Variants in CNBD1 observed in about 807,000 individuals in gnomAD.
CNBD1 encodes cyclic nucleotide-binding domain-containing protein 1.
In CNBD1, 71 loss-of-function variants were observed where a neutral mutation model predicts 54.4. The ratio of observed to expected loss-of-function variants is 1.30; its 90% CI spans 1.08 to 1.59. The LOEUF is 1.59. Ranked by LOEUF, CNBD1 falls within the 40% of genes most tolerant of loss-of-function variation. The pLI, the probability that CNBD1 is intolerant of heterozygous loss-of-function variation, is 0.00. For synonymous variants in CNBD1, 182 were observed against 170.7 expected (o/e 1.07, Z -0.51); for missense variants, 659 against 518.0 (o/e 1.27, Z -2.64).
intron 4 of CNBD1, among the ~76,000 whole-genome samples, chr8:87,077,578 G>C (rs73281261): frequency 0.11 from 10,596 of 96,812 alleles, 1,586 homozygotes; most frequent in African/African-American, 0.36. Context: ...TCCCTCTACC[G>C]CATGACAGGC....
intron 4 of CNBD1, among the ~76,000 whole-genome samples, chr8:87,102,374 G>A (rs762923397): frequency 8.5e-5 from 13 of 152,254 alleles, no homozygotes; most frequent in South Asian, 2.1e-4. Flanking sequence ...GCGAGAATTC[G>A]TATGAATTCA....
chr8:87,385,292 C>A (rs1290657801), downstream of CNBD1, among the ~76,000 whole-genome samples: 1 of 152,114 alleles, frequency 6.6e-6, no homozygotes, highest in Non-Finnish European at 1.5e-5. Context: ...GGGTGCAGCG[C>A]ACCGAGTGTG....
At chr8:87,249,562 AT>A (rs1807872881) in intron 6 of CNBD1, among the ~76,000 whole-genome samples, 1 of 152,114 alleles carries the variant, frequency 6.6e-6, no homozygotes, top group Non-Finnish European at 1.5e-5. Flanking sequence ...TTATAGGTCT[AT>A]CTTTCAACCG....
rs1212667153 is a variant in CNBD1, at chr8:87,256,015, A to AT, written c.771+18928dup. Among the ~76,000 whole-genome samples, 16 of 15,782 alleles carry AT rather than the reference A, an allele frequency of 1.0e-3. 2 individuals are homozygous for AT. The highest frequency in any genetic ancestry group is 1.4e-3 in the Non-Finnish European group (14 of 9,794). 10.4% of individuals were successfully genotyped at this position (15,782 alleles called of 152,430 possible). A position where few individuals can be genotyped will look rare whatever the true frequency, so the allele number is the denominator to read the frequency against. On this transcript the variant is annotated intron_variant, in intron 6 of 10. Transcript: ENST00000518476. The stretch of plus-strand genomic sequence containing the variant: ...TATATATATATATATATATATATAT[A>AT]TTTTTTTTTTTTTTTTTTTTTTTTT...
chr8:87,422,886 C>T (rs577796337), intron 2 of CNBD1, among the ~76,000 whole-genome samples: 27 of 152,146 alleles, frequency 1.8e-4, no homozygotes, highest in Middle Eastern at 3.4e-3. Context: ...TTTCACGATA[C>T]TGATTCTTCC....
chr8:86,948,030 G>A lies in CNBD1; in HGVS notation c.431+8276G>A, dbSNP rs529005518. ...TGTGATGTTTGTCTTTCTGTGCCTG[G>A]CTTATTTCATTTAATATAATGACCT... On this transcript the variant is annotated intron_variant, in intron 4 of 10. Transcript: ENST00000518476. 6.5e-4 allele frequency among the ~76,000 whole-genome samples: 99 copies of A among 151,960 alleles called. 2 individuals carry two copies. The highest frequency in any genetic ancestry group is 2.3e-3 in the African/African-American group (94 of 41,460).
intron 4 of CNBD1, among the ~76,000 whole-genome samples, chr8:86,953,020 G>A (rs930889195): frequency 3.3e-5 from 5 of 152,014 alleles, no homozygotes; most frequent in South Asian, 2.1e-4. Context: ...TTTTTCACTC[G>A]GCATAATTAT....
chr8:87,003,304 A>G (rs1354970504), intron 4 of CNBD1, among the ~76,000 whole-genome samples: 2 of 152,224 alleles, frequency 1.3e-5, no homozygotes, highest in Non-Finnish European at 2.9e-5. Flanking sequence ...ATTGATTAAA[A>G]GGACAGAATG....
At chr8:87,420,492 G>C (rs1220498686) in intron 2 of CNBD1, among the ~76,000 whole-genome samples, 2 of 151,780 alleles carry the variant, frequency 1.3e-5, no homozygotes, top group African/African-American at 4.8e-5. Flanking sequence ...AATGTTGTGA[G>C]AAAAAAAGAG....
At chr8:87,019,538 C>A (rs932116631) in intron 4 of CNBD1, among the ~76,000 whole-genome samples, 1 of 152,110 alleles carries the variant, frequency 6.6e-6, no homozygotes, top group Non-Finnish European at 1.5e-5. Flanking sequence ...TTAATTTATA[C>A]CCTCCTCAGG....
chr8:87,040,270 T>G (rs1051078210), intron 4 of CNBD1, among the ~76,000 whole-genome samples: 2 of 152,210 alleles, frequency 1.3e-5, no homozygotes, highest in Non-Finnish European at 2.9e-5. Flanking sequence ...TGCCCAGGAA[T>G]GGACAAGGAC....
chr8:87,389,658 T>A (rs1400871032), intron 2 of CNBD1, among the ~76,000 whole-genome samples: 1 of 152,098 alleles, frequency 6.6e-6, no homozygotes, highest in Admixed American at 6.6e-5. Context: ...ATCAATATCA[T>A]AAAAATGGCC....
rs1688710310 is a variant in CNBD1 at position 86,866,433 on chromosome 8, CAAAGAG to C, written c.-62_-57del. On this transcript the variant is annotated 5_prime_UTR_variant, in exon 1 of 11. Coordinates refer to ENST00000518476, the MANE Select transcript of CNBD1 (RefSeq NM_173538.3). ...AAGTTCTGCTTTATGAGCCTGCAGG[CAAAGAG>C]TGATCATTTGCCTCTCAAGCAGCCT... The C allele has an allele frequency of 3.3e-6, 4 of 1,199,980 alleles. No homozygotes were observed. The Admixed American group carries it at 7.7e-5, about 23-fold the overall frequency. 74.3% of individuals were successfully genotyped at this position (1,199,980 alleles called of 1,614,324 possible).
intron 4 of CNBD1, among the ~76,000 whole-genome samples, chr8:86,950,306 G>A (rs1485714989): frequency 6.6e-6 from 1 of 151,992 alleles, no homozygotes; most frequent in Non-Finnish European, 1.5e-5. Context: ...CTCACCTCAT[G>A]ATCCACCTGT....
At chr8:87,029,474 G>A (rs1051000175) in intron 4 of CNBD1, among the ~76,000 whole-genome samples, 2 of 152,086 alleles carry the variant, frequency 1.3e-5, no homozygotes, top group African/African-American at 4.8e-5. Context: ...AGACACATTG[G>A]GAAATGGGGA....
intron 8 of CNBD1, among the ~76,000 whole-genome samples, chr8:87,346,468 AT>A (rs1173803310): frequency 6.6e-6 from 1 of 151,878 alleles, no homozygotes; most frequent in African/African-American, 2.4e-5. Flanking sequence ...TTGTAATCCA[AT>A]TGGCCAATTA....
At chr8:87,349,150 A>G (rs1024409331) in intron 8 of CNBD1, among the ~76,000 whole-genome samples, 2 of 152,174 alleles carry the variant, frequency 1.3e-5, no homozygotes, top group African/African-American at 4.8e-5. Flanking sequence ...ATGTGTTACA[A>G]TCCTGCAGAT....
intron 8 of CNBD1, among the ~76,000 whole-genome samples, chr8:87,331,721 T>G (rs1015372638): frequency 1.3e-5 from 2 of 152,164 alleles, no homozygotes; most frequent in Non-Finnish European, 2.9e-5. Context: ...CTCACCAGCA[T>G]CTATTGTTGG....
intron 4 of CNBD1, among the ~76,000 whole-genome samples, chr8:87,185,566 T>C (rs1813457135): frequency 6.6e-6 from 1 of 152,204 alleles, no homozygotes. Flanking sequence ...TCCTAATGCA[T>C]AGGTAAAACT....
Sources: allele counts gnomAD v4.1 joint callset (sites outside exome capture counted in the v4.1 genomes callset), GRCh38; gene constraint gnomAD v4.1.1; transcripts MANE v1.5; gene names NCBI Gene and HGNC (gene_info 2026-07-23, HGNC 2026-07-21).